FGF1: variants seen among roughly 807,000 people sequenced by gnomAD.
FGF1 encodes beta-endothelial cell growth factor.
Under a neutral mutation model 13.4 loss-of-function variants are expected in FGF1, and 9 were observed. That is an observed-to-expected ratio of 0.67 (90% CI 0.40 to 1.17). The LOEUF is 1.17. FGF1 is among the 50% of genes most tolerant of loss of function. The pLI, the probability that FGF1 is intolerant of heterozygous loss-of-function variation, is 0.01. For synonymous variants in FGF1, 93 were observed against 79.0 expected (o/e 1.18, Z -0.94); for missense variants, 156 against 192.7 (o/e 0.81, Z 1.13).
At chr5:142,662,292 G>A (rs910487679) in intron 1 of FGF1, among the ~76,000 whole-genome samples, 1 of 152,206 alleles carries the variant, frequency 6.6e-6, no homozygotes, top group Non-Finnish European at 1.5e-5. Context: ...CGTTAAAAAT[G>A]TTCTCACCTC....
At chr5:142,680,536 G>A (rs1420119240) in intron 1 of FGF1, among the ~76,000 whole-genome samples, 1 of 151,336 alleles carries the variant, frequency 6.6e-6, no homozygotes, top group African/African-American at 2.4e-5. Context: ...TACCAGTGAG[G>A]TTTTTCCCTT....
At chr5:142,603,499 C>T (rs1384419656) in intron 2 of FGF1, among the ~76,000 whole-genome samples, 1 of 152,136 alleles carries the variant, frequency 6.6e-6, no homozygotes, top group Non-Finnish European at 1.5e-5. Context: ...TGATCTATTT[C>T]TGCCTCCTCA....
intron 1 of FGF1, among the ~76,000 whole-genome samples, chr5:142,620,760 G>A (rs1761417146): frequency 6.6e-6 from 1 of 152,140 alleles, no homozygotes; most frequent in East Asian, 1.9e-4. Context: ...GTGTATAAAA[G>A]AACCTTGTAC....
intron 1 of FGF1, among the ~76,000 whole-genome samples, chr5:142,684,711 C>T (rs1409437296): frequency 1.3e-5 from 2 of 152,218 alleles, no homozygotes; most frequent in Non-Finnish European, 2.9e-5. Flanking sequence ...AACTGCTGGC[C>T]ACCCTTCACT....
intron 1 of FGF1, among the ~76,000 whole-genome samples, chr5:142,667,244 A>G (rs1008219304): frequency 6.6e-6 from 1 of 151,912 alleles, no homozygotes; most frequent in Admixed American, 6.6e-5. Flanking sequence ...AGATCATGCC[A>G]CTGTACTCCA....
At chr5:142,694,828 C>T (rs1752850971) in intron 2 of FGF1, among the ~76,000 whole-genome samples, 1 of 151,820 alleles carries the variant, frequency 6.6e-6, no homozygotes, top group Non-Finnish European at 1.5e-5. Flanking sequence ...AAATCCCTGA[C>T]ATTCCTGTAG....
At chr5:142,688,277 A>T (rs192916282), upstream of FGF1, among the ~76,000 whole-genome samples, 1 of 152,348 alleles carries the variant, frequency 6.6e-6, no homozygotes, top group Non-Finnish European at 1.5e-5. Flanking sequence ...TTAAAATTTC[A>T]TTATAATATC....
At chr5:142,610,464 G>A (rs1173350959) in intron 2 of FGF1, among the ~76,000 whole-genome samples, 1 of 152,168 alleles carries the variant, frequency 6.6e-6, no homozygotes, top group Non-Finnish European at 1.5e-5. Flanking sequence ...ACTCCTCAAT[G>A]CTTGTGTCCA....
intron 1 of FGF1, among the ~76,000 whole-genome samples, chr5:142,626,475 A>G (rs1327890865): frequency 1.3e-5 from 2 of 152,238 alleles, no homozygotes; most frequent in Non-Finnish European, 2.9e-5. Flanking sequence ...CTGACTCCAG[A>G]GTCCACTATT....
At chr5:142,649,772 G>T (rs1222602646) in intron 1 of FGF1, among the ~76,000 whole-genome samples, 1 of 152,140 alleles carries the variant, frequency 6.6e-6, no homozygotes, top group Admixed American at 6.6e-5. Context: ...TATCCATGGG[G>T]AGAGATGCTT....
intron 1 of FGF1, among the ~76,000 whole-genome samples, chr5:142,650,187 AG>A: frequency 6.6e-6 from 1 of 152,296 alleles, no homozygotes; most frequent in East Asian, 1.9e-4. Context: ...AAGGGCGTGC[AG>A]GGGGAGGGAT....
intron 1 of FGF1, among the ~76,000 whole-genome samples, chr5:142,635,427 C>T (rs1283738814): frequency 6.6e-5 from 10 of 152,166 alleles, no homozygotes; most frequent in Admixed American, 1.3e-4. Context: ...CAGTCAGTGT[C>T]GACTTAAGTG....
chr5:142,682,887 C>T (rs2152055064), intron 1 of FGF1, among the ~76,000 whole-genome samples: 1 of 152,184 alleles, frequency 6.6e-6, no homozygotes, highest in South Asian at 2.1e-4. Flanking sequence ...GTTCCTGTAC[C>T]TTGGACTCCT....
At chr5:142,623,146 C>T (rs1373720293) in intron 1 of FGF1, among the ~76,000 whole-genome samples, 2 of 152,184 alleles carry the variant, frequency 1.3e-5, no homozygotes, top group African/African-American at 4.8e-5. Flanking sequence ...ACCCAGCATA[C>T]TGCTAAACTT....
In FGF1 at chr5:142,670,600, G is replaced by A. The variant is rs17216867; in HGVS notation, c.-35+15357C>T. Among the ~76,000 whole-genome samples, 547 of 148,284 alleles carry A rather than the reference G, an allele frequency of 3.7e-3. 4 individuals carry two copies. Among genetic ancestry groups the A allele is most frequent in the African/African-American group, 0.013 (481 of 37,802 alleles). ...CATGTTTTATCTTTGAATCTCCCATGGTATAGATTCTTACATGCAGAAGGC... is the reference window on the plus strand; with the variant it reads ...CATGTTTTATCTTTGAATCTCCCATAGTATAGATTCTTACATGCAGAAGGC... On this transcript the variant is annotated intron_variant, in intron 1 of 3. Coordinates refer to ENST00000337706, the MANE Select transcript of FGF1 (RefSeq NM_000800.5).
At chr5:142,670,646 G>A (rs948357952) in intron 1 of FGF1, among the ~76,000 whole-genome samples, 1 of 152,142 alleles carries the variant, frequency 6.6e-6, no homozygotes, top group Non-Finnish European at 1.5e-5. Context: ...CGCCAGCAAA[G>A]CATATGAAGA....
intron 1 of FGF1, among the ~76,000 whole-genome samples, chr5:142,640,426 T>TTG (rs1478301505): frequency 7.0e-5 from 5 of 71,016 alleles, no homozygotes; most frequent in Non-Finnish European, 1.4e-4. Flanking sequence ...TGGAGTATGG[T>TTG]GGGGGGGGGG....
intron 1 of FGF1, among the ~76,000 whole-genome samples, chr5:142,652,049 A>G (rs948707420): frequency 1.3e-5 from 2 of 152,280 alleles, no homozygotes; most frequent in East Asian, 1.9e-4. Flanking sequence ...GAACGCTGCA[A>G]TGGAGGAATT....
chr5:142,689,534 T>C (rs78207222), upstream of FGF1, among the ~76,000 whole-genome samples: 4,972 of 152,144 alleles, frequency 0.033, 292 homozygotes, highest in African/African-American at 0.11. Context: ...CTGATCCCAC[T>C]GAAATCCAAT....
Sources: gnomAD v4.1 joint callset for allele counts (sites outside exome capture counted in the v4.1 genomes callset) on GRCh38, gnomAD v4.1.1 for gene constraint, MANE v1.5 for transcripts, NCBI Gene and HGNC (gene_info 2026-07-23, HGNC 2026-07-21) for gene names.